Variants in NSMCE2 observed in about 807,000 individuals in gnomAD.
NSMCE2 encodes the protein E3 SUMO-protein ligase NSE2.
NSMCE2 carries 24 observed loss-of-function variants against 23.8 expected under a neutral mutation model. The ratio of observed to expected loss-of-function variants is 1.01; its 90% CI spans 0.73 to 1.42. The LOEUF (loss-of-function observed/expected upper bound fraction) is 1.42, where lower values mean the gene tolerates loss of function less well. Ranked by LOEUF, NSMCE2 falls within the 40% of genes most tolerant of loss-of-function variation. The pLI, the probability that NSMCE2 is intolerant of heterozygous loss-of-function variation, is 0.00. For synonymous variants in NSMCE2, 92 were observed against 94.1 expected (o/e 0.98, Z 0.13); for missense variants, 284 against 296.5 (o/e 0.96, Z 0.31).
At chr8:125,242,555 G>C (rs1446095375) in intron 5 of NSMCE2, among the ~76,000 whole-genome samples, 1 of 151,934 alleles carries the variant, frequency 6.6e-6, no homozygotes, top group Non-Finnish European at 1.5e-5. Flanking sequence ...AGCAAGAACT[G>C]TTAGCTTATG....
At chr8:125,163,776 A>G (rs953986282) in intron 4 of NSMCE2, among the ~76,000 whole-genome samples, 5 of 152,244 alleles carry the variant, frequency 3.3e-5, no homozygotes, top group African/African-American at 1.2e-4. Context: ...AGGAGGAAAG[A>G]TACATTCCCA....
chr8:125,159,297 A>T (rs953315149), intron 4 of NSMCE2, among the ~76,000 whole-genome samples: 2 of 152,238 alleles, frequency 1.3e-5, no homozygotes, highest in African/African-American at 4.8e-5. Flanking sequence ...ACAGTCATGA[A>T]CCACATAACA....
chr8:125,355,524 AC>A (rs545361068), intron 5 of NSMCE2, among the ~76,000 whole-genome samples: 1 of 152,008 alleles, frequency 6.6e-6, no homozygotes, highest in Non-Finnish European at 1.5e-5. Context: ...ATATGGTGAA[AC>A]CCCATCTCTA....
chr8:125,144,735 A>G (rs549023298), intron 3 of NSMCE2, among the ~76,000 whole-genome samples: 1 of 152,008 alleles, frequency 6.6e-6, no homozygotes, highest in Non-Finnish European at 1.5e-5. Context: ...TCATTCTTTC[A>G]TACTTGTTTG....
Position 125,101,901 on chromosome 8 carries a change from G to A in NSMCE2, c.-110-150G>A, listed in dbSNP as rs542078481. On this transcript the variant is annotated intron_variant, in intron 1 of 7. Coordinates refer to ENST00000287437, the MANE Select transcript of NSMCE2 (RefSeq NM_173685.4). ...ATGCATATATGTTGGATAGTTTAACGATTACAGGTTTTCAAAATAGTTTAC... is the reference window on the plus strand; with the variant it reads ...ATGCATATATGTTGGATAGTTTAACAATTACAGGTTTTCAAAATAGTTTAC... 14 of 154,396 alleles carry A rather than the reference G, an allele frequency of 9.1e-5. No homozygotes were observed. The South Asian group carries it at 1.4e-3, about 15-fold the overall frequency. 9.6% of individuals were successfully genotyped at this position (154,396 alleles called of 1,614,324 possible).
At chr8:125,138,733 C>G (rs569249282) in intron 3 of NSMCE2, among the ~76,000 whole-genome samples, 1 of 152,164 alleles carries the variant, frequency 6.6e-6, no homozygotes, top group African/African-American at 2.4e-5. Flanking sequence ...TGTTATTTAT[C>G]CTGGGAAGCA....
chr8:125,245,022 C>T (rs552967900), intron 5 of NSMCE2, among the ~76,000 whole-genome samples: 1 of 152,304 alleles, frequency 6.6e-6, no homozygotes, highest in African/African-American at 2.4e-5. Context: ...GTGGCTCACA[C>T]CTGTAATCCC....
chr8:125,306,465 C>T (rs1828771721), intron 5 of NSMCE2, among the ~76,000 whole-genome samples: 2 of 152,168 alleles, frequency 1.3e-5, no homozygotes, highest in African/African-American at 2.4e-5. Flanking sequence ...CTCCCCACTT[C>T]CTCCCTCCCT....
At chr8:125,362,838 G>A (rs1160388898) in intron 7 of NSMCE2, among the ~76,000 whole-genome samples, 1 of 152,182 alleles carries the variant, frequency 6.6e-6, no homozygotes, top group Non-Finnish European at 1.5e-5. Context: ...CCACTGAAGT[G>A]AAGGTGGGCG....
chr8:125,310,991 T>TAATATGTTAGATAATTACTCC (rs1828954011), intron 5 of NSMCE2, among the ~76,000 whole-genome samples: 1 of 152,240 alleles, frequency 6.6e-6, no homozygotes, highest in East Asian at 1.9e-4. Flanking sequence ...ATCTCACTTT[T>TAATATGTTAGATAATTACTCC]AATATGTTAG....
At chr8:125,203,708 G>C (rs947737677) in intron 5 of NSMCE2, among the ~76,000 whole-genome samples, 3 of 152,222 alleles carry the variant, frequency 2.0e-5, no homozygotes, top group African/African-American at 4.8e-5. Context: ...TGATGTCTTG[G>C]AGGTGAGAAG....
At chr8:125,357,628 A>G (rs1237444361) in intron 6 of NSMCE2, 84 bp from the exon 7 acceptor site, 19 of 986,834 alleles carry the variant, frequency 1.9e-5, no homozygotes, top group Admixed American at 4.1e-5. Flanking sequence ...GAAGTTAAAC[A>G]TAGAAAGCTC....
intron 5 of NSMCE2, among the ~76,000 whole-genome samples, chr8:125,355,699 CAAAAAAA>C (rs140692089): frequency 2.4e-4 from 11 of 46,758 alleles, no homozygotes; most frequent in African/African-American, 8.9e-4. Flanking sequence ...GACTCCATCT[CAAAAAAA>C]AAAAAAAAAA....
intron 5 of NSMCE2, among the ~76,000 whole-genome samples, chr8:125,310,237 C>T (rs1459735930): frequency 6.6e-6 from 1 of 152,182 alleles, no homozygotes; most frequent in Admixed American, 6.5e-5. Context: ...ATAACTCAGA[C>T]TAGAGTCAGA....
Position 125,310,017 on chromosome 8 carries a change from A to T in NSMCE2, c.419-47202A>T, listed in dbSNP as rs568756358. On this transcript the variant is annotated intron_variant, in intron 5 of 7. Transcript: ENST00000287437. Reference sequence around the variant, plus strand: ...CTGTTTCTTTCTCATTTCTACTATGATGGGGGGACCCTCATCCTAGGTAAA... The same window carrying T: ...CTGTTTCTTTCTCATTTCTACTATGTTGGGGGGACCCTCATCCTAGGTAAA... Among the ~76,000 whole-genome samples the T allele has an allele frequency of 1.4e-4, 22 of 152,318 alleles. No homozygotes were observed. The South Asian group carries it at 1.5e-3, about 10-fold the overall frequency.
intron 5 of NSMCE2, among the ~76,000 whole-genome samples, chr8:125,215,681 G>T (rs1824549877): frequency 6.6e-6 from 1 of 152,270 alleles, no homozygotes; most frequent in Admixed American, 6.5e-5. Context: ...TAACGTTTAA[G>T]TCTTTAATCC....
intron 3 of NSMCE2, chr8:125,124,066 A>G (rs1391740909): frequency 1.3e-5 from 2 of 152,114 alleles, no homozygotes; most frequent in East Asian, 3.8e-4. Flanking sequence ...CATTCTCACT[A>G]TTCCTAAGGA....
chr8:125,152,783 C>T (rs919756699), intron 4 of NSMCE2, among the ~76,000 whole-genome samples: 4 of 152,030 alleles, frequency 2.6e-5, no homozygotes, highest in African/African-American at 7.2e-5. Context: ...CTTGGCTGGG[C>T]GCGGTAGCTC....
At chr8:125,243,118 T>C (rs545989290) in intron 5 of NSMCE2, among the ~76,000 whole-genome samples, 1 of 152,262 alleles carries the variant, frequency 6.6e-6, no homozygotes, top group South Asian at 2.1e-4. Flanking sequence ...AAAAAGACAT[T>C]GGCTCACCCC....
Sources: gnomAD v4.1 joint callset for allele counts (sites outside exome capture counted in the v4.1 genomes callset) on GRCh38, gnomAD v4.1.1 for gene constraint, MANE v1.5 for transcripts, NCBI Gene and HGNC (gene_info 2026-07-23, HGNC 2026-07-21) for gene names.